Variants in SLC4A10 observed in about 807,000 individuals in gnomAD.
SLC4A10 encodes solute carrier family 4 member 10, also known as sodium-driven chloride bicarbonate exchanger.
SLC4A10 carries 42 observed loss-of-function variants against 137.7 expected under a neutral mutation model. The ratio of observed to expected loss-of-function variants is 0.30; its 90% CI spans 0.24 to 0.39. The LOEUF is 0.39. SLC4A10 is among the 10% of genes least tolerant of loss of function. The pLI, the probability that SLC4A10 is intolerant of heterozygous loss-of-function variation, is 1.00. For missense variants in SLC4A10, 925 were observed against 1,355.0 expected (o/e 0.68, Z 4.98); for synonymous variants, 474 against 464.1 (o/e 1.02, Z -0.27).
In SLC4A10 at chr2:161,735,008, C is replaced by T. The variant is rs116761234; in HGVS notation, c.49-35965C>T. On this transcript the variant is annotated intron_variant, in intron 1 of 26. Coordinates refer to ENST00000446997, the MANE Select transcript of SLC4A10 (RefSeq NM_001178015.2). ...ACCATGTAAGATGTGCCTTGCTTCCCTTTAAACTTCTGCCTGATTGTAAGT... is the reference window on the plus strand; with the variant it reads ...ACCATGTAAGATGTGCCTTGCTTCCTTTTAAACTTCTGCCTGATTGTAAGT... Among the ~76,000 whole-genome samples, 1,486 of 151,820 alleles carry T rather than the reference C, an allele frequency of 9.8e-3. 14 individuals carry two copies. The highest frequency in any genetic ancestry group is 0.035 in the South Asian group (170 of 4,792).
chr2:161,704,079 C>A (rs1173295092), intron 1 of SLC4A10, among the ~76,000 whole-genome samples: 1 of 151,646 alleles, frequency 6.6e-6, no homozygotes, highest in Non-Finnish European at 1.5e-5. Context: ...AGTAGGTATT[C>A]TGCAGTACTC....
chr2:161,773,232 C>T (rs1179721811), intron 2 of SLC4A10, among the ~76,000 whole-genome samples: 1 of 151,832 alleles, frequency 6.6e-6, no homozygotes, highest in African/African-American at 2.4e-5. Flanking sequence ...AGATTGAACT[C>T]ACAGTCTCAA....
intron 1 of SLC4A10, among the ~76,000 whole-genome samples, chr2:161,658,246 A>G (rs1049980624): frequency 1.3e-5 from 2 of 152,216 alleles, no homozygotes; most frequent in Admixed American, 1.3e-4. Context: ...TAGATTCAAC[A>G]TAGAATATCA....
chr2:161,744,348 G>A (rs1351759130), intron 1 of SLC4A10, among the ~76,000 whole-genome samples: 1 of 152,062 alleles, frequency 6.6e-6, no homozygotes, highest in Non-Finnish European at 1.5e-5. Context: ...AAGGGATGCT[G>A]AATTTAATCA....
chr2:161,851,951 G>A (rs1433368274), intron 4 of SLC4A10, among the ~76,000 whole-genome samples: 12 of 152,206 alleles, frequency 7.9e-5, no homozygotes, highest in Admixed American at 2.6e-4. Context: ...GTGCAGTGGC[G>A]TTATCATGGC....
intron 23 of SLC4A10, among the ~76,000 whole-genome samples, chr2:161,967,973 G>GAA (rs796647525): frequency 7.4e-6 from 1 of 135,126 alleles, no homozygotes. Context: ...ACTGCTTCTG[G>GAA]AAAAAAAAAA....
intron 1 of SLC4A10, among the ~76,000 whole-genome samples, chr2:161,704,273 A>C (rs922170879): frequency 6.6e-6 from 1 of 151,756 alleles, no homozygotes; most frequent in East Asian, 1.9e-4. Context: ...GCTTTAGCCC[A>C]GTATAAATAA....
intron 23 of SLC4A10, among the ~76,000 whole-genome samples, 186 bp from the exon 24 acceptor site, chr2:161,974,063 A>G (rs1698993799): frequency 1.3e-5 from 2 of 152,220 alleles, no homozygotes; most frequent in African/African-American, 2.4e-5. Flanking sequence ...TGAGACTCTC[A>G]TTAATTACTT....
rs764572990 is a variant in SLC4A10, at chr2:161,904,920, T to C, written c.1751+11T>C. 25 of 1,613,690 alleles carry C rather than the reference T, an allele frequency of 1.5e-5. No homozygotes were observed. The highest frequency in any genetic ancestry group is 1.9e-5 in the Non-Finnish European group (23 of 1,179,772). Reference sequence around the variant, plus strand: ...GTTTAAATTTTGCAAGTAAGTGTTATGTACTTTTTGGCCCTTAGCCTCTTC... The same window carrying C: ...GTTTAAATTTTGCAAGTAAGTGTTACGTACTTTTTGGCCCTTAGCCTCTTC... On this transcript the variant is annotated intron_variant, in intron 14 of 26. Coordinates refer to ENST00000446997, the MANE Select transcript of SLC4A10 (RefSeq NM_001178015.2).
chr2:161,878,120 A>G (rs2061546697), intron 8 of SLC4A10, among the ~76,000 whole-genome samples: 1 of 152,240 alleles, frequency 6.6e-6, no homozygotes, highest in African/African-American at 2.4e-5. Context: ...TAGGCTAAAA[A>G]AAATCTTCTC....
At chr2:161,904,304 CA>C in intron 13 of SLC4A10, 126 bp downstream of exon 13, 1 of 1,010,656 alleles carries the variant, frequency 9.9e-7, no homozygotes, top group Non-Finnish European at 1.4e-6. Context: ...CTGGCAGATA[CA>C]CCTTATATGA....
At chr2:161,924,317 G>T (rs1320614256) in intron 15 of SLC4A10, among the ~76,000 whole-genome samples, 1 of 151,910 alleles carries the variant, frequency 6.6e-6, no homozygotes. Context: ...AAGAACATAA[G>T]AAGTAAGTAG....
chr2:161,772,248 C>A (rs1056371412), intron 2 of SLC4A10, among the ~76,000 whole-genome samples: 1 of 151,666 alleles, frequency 6.6e-6, no homozygotes, highest in Non-Finnish European at 1.5e-5. Context: ...AATAATTTAT[C>A]TTTGAGTTCG....
chr2:161,846,634 C>T (rs2059513752), intron 4 of SLC4A10, among the ~76,000 whole-genome samples: 1 of 152,152 alleles, frequency 6.6e-6, no homozygotes, highest in African/African-American at 2.4e-5. Context: ...TGGAATATTA[C>T]TCTGCAATAA....
intron 11 of SLC4A10, among the ~76,000 whole-genome samples, chr2:161,898,929 G>T (rs2105278147): frequency 6.6e-6 from 1 of 152,220 alleles, no homozygotes; most frequent in South Asian, 2.1e-4. Context: ...CTCACTTGAT[G>T]ACTATTTCAC....
chr2:161,792,786 A>G (rs1236143756), intron 2 of SLC4A10, among the ~76,000 whole-genome samples: 1 of 152,136 alleles, frequency 6.6e-6, no homozygotes, highest in African/African-American at 2.4e-5. Flanking sequence ...CCAAATTTCC[A>G]TTTCACATTC....
At chr2:161,777,567 G>C (rs567774187) in intron 2 of SLC4A10, among the ~76,000 whole-genome samples, 1 of 151,990 alleles carries the variant, frequency 6.6e-6, no homozygotes, top group African/African-American at 2.4e-5. Flanking sequence ...GGCTGGGAAG[G>C]CCTCACAATC....
intron 12 of SLC4A10, chr2:161,902,255 C>A: frequency 4.1e-6 from 1 of 242,846 alleles, no homozygotes. Flanking sequence ...CTAATGTATG[C>A]TCTAATAAGT....
At chr2:161,639,147 C>A (rs765806297) in intron 1 of SLC4A10, among the ~76,000 whole-genome samples, 3 of 151,954 alleles carry the variant, frequency 2.0e-5, no homozygotes, top group Non-Finnish European at 4.4e-5. Flanking sequence ...AAAAGTCTCC[C>A]ATCAAAGAAA....
Sources: gnomAD v4.1 joint callset for allele counts (sites outside exome capture counted in the v4.1 genomes callset) on GRCh38, gnomAD v4.1.1 for gene constraint, MANE v1.5 for transcripts, NCBI Gene and HGNC (gene_info 2026-07-23, HGNC 2026-07-21) for gene names.